The following WTAP variants were observed in gnomAD, a reference collection of about 807,000 sequenced individuals.
WTAP encodes pre-mRNA-splicing regulator WTAP.
Under a neutral mutation model 50.0 loss-of-function variants are expected in WTAP, and 8 were observed. The ratio of observed to expected loss-of-function variants is 0.16; its 90% CI spans 0.09 to 0.29. WTAP has a LOEUF of 0.29. Among genes scored for constraint, WTAP ranks in the 10% least tolerant of loss-of-function variants. The pLI is 1.00. For missense variants in WTAP, 295 were observed against 470.7 expected (o/e 0.63, Z 3.45); for synonymous variants, 194 against 169.0 (o/e 1.15, Z -1.15).
upstream of WTAP, chr6:159,727,160 T>C: frequency 8.4e-7 from 1 of 1,195,594 alleles, no homozygotes; most frequent in Non-Finnish European, 1.1e-6. Flanking sequence ...CCCGCGGAGC[T>C]CGCGCCAGGC....
intron 1 of WTAP, among the ~76,000 whole-genome samples, chr6:159,735,951 C>T (rs1389783501): frequency 2.0e-5 from 3 of 151,938 alleles, no homozygotes; most frequent in African/African-American, 4.8e-5. Flanking sequence ...CCCTTTATGG[C>T]GACATCAAAT....
At position 159,756,263 on chromosome 6, in the gene WTAP, G is replaced by T. The variant is rs1172255406; in HGVS notation, c.*652G>T. 7 of 152,648 alleles carry T rather than the reference G, an allele frequency of 4.6e-5. No individual in the cohort carries two copies. Among genetic ancestry groups the T allele is most frequent in the Non-Finnish European group, 1.5e-5 (1 of 68,096 alleles). 9.5% of individuals were successfully genotyped at this position (152,648 alleles called of 1,614,324 possible). On this transcript the variant is annotated 3_prime_UTR_variant, in exon 8 of 8. Transcript: ENST00000621533. ...TAATGCATATTGCTCTGTGACTCCAGTATATCTTACCTGTACTGACCAAAC... is the reference window on the plus strand; with the variant it reads ...TAATGCATATTGCTCTGTGACTCCATTATATCTTACCTGTACTGACCAAAC...
At chr6:159,744,266 C>G (rs73022778) in intron 5 of WTAP, among the ~76,000 whole-genome samples, 2,753 of 152,274 alleles carry the variant, frequency 0.018, 35 homozygotes, top group Non-Finnish European at 0.031. Context: ...GTAGTATTTA[C>G]TATGTCTACG....
intron 5 of WTAP, among the ~76,000 whole-genome samples, chr6:159,747,515 C>G (rs1031553846): frequency 6.6e-5 from 10 of 152,076 alleles, no homozygotes; most frequent in Non-Finnish European, 1.0e-4. Context: ...GCTTAAGGTC[C>G]TATAGAGTTT....
At chr6:159,736,535 C>G (rs960908077) in intron 2 of WTAP, 5 of 382,714 alleles carry the variant, frequency 1.3e-5, no homozygotes, top group Non-Finnish European at 4.7e-6. Flanking sequence ...ATAATATTCC[C>G]ATGGTCTACT....
At chr6:159,740,628 G>A (rs1411209811) in intron 3 of WTAP, among the ~76,000 whole-genome samples, 1 of 151,830 alleles carries the variant, frequency 6.6e-6, no homozygotes, top group Non-Finnish European at 1.5e-5. Context: ...ATAAAGCATG[G>A]CCTTGGCTGA....
Position 159,755,772 on chromosome 6 carries a change from T to C in WTAP, c.*161T>C, listed in dbSNP as rs1211405942. 1.2e-5 allele frequency: 12 copies of C among 986,342 alleles called. No homozygotes were observed. The highest frequency in any genetic ancestry group is 4.3e-5 in the Admixed American group (1 of 23,406). 61.1% of individuals were successfully genotyped at this position (986,342 alleles called of 1,614,324 possible). On this transcript the variant is annotated 3_prime_UTR_variant, in exon 8 of 8. Coordinates refer to ENST00000621533, the MANE Select transcript of WTAP (RefSeq NM_001270531.2). ...TTGTTTTTTTTTTCTTTTCTTTTTT[T>C]TTTTTTTTTTTTTTTTTTGCTTCAA...
intron 2 of WTAP, 72 bp from the exon 3 acceptor site, chr6:159,738,918 T>G: frequency 8.8e-7 from 1 of 1,136,990 alleles, no homozygotes; most frequent in Non-Finnish European, 1.3e-6. Context: ...TGGGAGATGT[T>G]TCATAGGTCT....
intron 3 of WTAP, among the ~76,000 whole-genome samples, chr6:159,740,941 A>G (rs1324899656): frequency 6.6e-6 from 1 of 152,054 alleles, no homozygotes; most frequent in Non-Finnish European, 1.5e-5. Flanking sequence ...TGACCTCATG[A>G]TCTGCCCGCC....
At chr6:159,752,450 CAT>C (rs1779855840) in intron 6 of WTAP, among the ~76,000 whole-genome samples, 1 of 151,798 alleles carries the variant, frequency 6.6e-6, no homozygotes, top group South Asian at 2.1e-4. Context: ...TATTGGGAAA[CAT>C]TTGAGCTTTT....
chr6:159,753,683 G>A (rs1428364993), intron 7 of WTAP, 69 bp downstream of exon 7: 8 of 1,514,194 alleles, frequency 5.3e-6, no homozygotes, highest in Non-Finnish European at 7.1e-6. Flanking sequence ...TGCCAGTCAT[G>A]AATATTATAG....
intron 1 of WTAP, among the ~76,000 whole-genome samples, chr6:159,731,589 C>T (rs1778573420): frequency 6.6e-6 from 1 of 152,270 alleles, no homozygotes; most frequent in Non-Finnish European, 1.5e-5. Flanking sequence ...TGATTATTAT[C>T]CTCAACCTGT....
intron 4 of WTAP, 22 bp downstream of exon 4, chr6:159,742,168 C>A: frequency 6.4e-7 from 1 of 1,568,952 alleles, no homozygotes; most frequent in African/African-American, 1.4e-5. Flanking sequence ...TTTTAGCTTC[C>A]TAAAGACTGA....
At chr6:159,743,848 C>A in intron 5 of WTAP, 56 bp downstream of exon 5, 1 of 1,496,414 alleles carries the variant, frequency 6.7e-7, no homozygotes. Flanking sequence ...TTTTAGTCCA[C>A]ATTATTACAT....
upstream of WTAP, chr6:159,726,762 T>C: frequency 1.6e-6 from 2 of 1,287,928 alleles, no homozygotes; most frequent in Non-Finnish European, 2.0e-6. Flanking sequence ...TCTCCAGAGA[T>C]GTCAAGGAGG....
intron 2 of WTAP, among the ~76,000 whole-genome samples, chr6:159,738,255 C>G (rs1308915403): frequency 6.6e-6 from 1 of 152,218 alleles, no homozygotes; most frequent in Non-Finnish European, 1.5e-5. Flanking sequence ...CTCTCCATGC[C>G]TGACCCCTGG....
chr6:159,727,692 C>G lies in WTAP; in HGVS notation c.-20C>G. On this transcript the variant is annotated 5_prime_UTR_variant, in exon 1 of 8. Coordinates refer to ENST00000621533, the MANE Select transcript of WTAP (RefSeq NM_001270531.2). ...GCGACCGGTGGCGCCGGCGCGGCTT[C>G]TGCCTGGAGAGGTAGGCGCGGGCCG... 1.0e-6 allele frequency: 1 copy of G among 983,908 alleles called. No individual in the cohort carries two copies. The highest frequency in any genetic ancestry group is 4.7e-5 in the South Asian group (1 of 21,232). The allele number at this position is 983,908 out of a possible 1,614,324, so 60.9% of individuals were successfully genotyped here. A position where few individuals can be genotyped will look rare whatever the true frequency, so the allele number is the denominator to read the frequency against.
upstream of WTAP, chr6:159,727,231 C>G (rs1257491737): frequency 7.1e-6 from 9 of 1,273,710 alleles, no homozygotes; most frequent in East Asian, 5.2e-4. Context: ...CTCGAGGCCC[C>G]GATCGGGCTA....
intron 5 of WTAP, among the ~76,000 whole-genome samples, chr6:159,745,755 G>C (rs1779538789): frequency 6.6e-6 from 1 of 152,150 alleles, no homozygotes. Context: ...ATGAAAGATA[G>C]ATTTGAGAGG....
Sources: allele counts gnomAD v4.1 joint callset (sites outside exome capture counted in the v4.1 genomes callset), GRCh38; gene constraint gnomAD v4.1.1; transcripts MANE v1.5; gene names NCBI Gene and HGNC (gene_info 2026-07-23, HGNC 2026-07-21).